The following CCSER1 variants were observed in gnomAD, a reference collection of about 807,000 sequenced individuals.
The protein encoded by CCSER1 is serine-rich coiled-coil domain-containing protein 1.
A neutral mutation model predicts 82.0 loss-of-function variants in CCSER1; 41 were observed. The observed-to-expected ratio is 0.50, with a 90% CI of 0.39 to 0.65. CCSER1 has a LOEUF of 0.65. Among genes scored for constraint, CCSER1 ranks in the 30% least tolerant of loss-of-function variants. The pLI, the probability that CCSER1 is intolerant of heterozygous loss-of-function variation, is 0.00. For missense variants in CCSER1, 1,119 were observed against 1,064.2 expected, an observed-to-expected ratio of 1.05 and a Z score of -0.72; for synonymous variants, 414 against 383.9, an observed-to-expected ratio of 1.08 and a Z score of -0.92.
At chr4:90,270,577 T>A (rs1180701030) in intron 1 of CCSER1, among the ~76,000 whole-genome samples, 1 of 152,100 alleles carries the variant, frequency 6.6e-6, no homozygotes, top group East Asian at 1.9e-4. Flanking sequence ...TCCTCTAAGA[T>A]CTGGAACATG....
chr4:90,945,498 T>C (rs1732129572), intron 9 of CCSER1, among the ~76,000 whole-genome samples: 1 of 152,192 alleles, frequency 6.6e-6, no homozygotes. Flanking sequence ...TGTTTTATAG[T>C]CCATTTTCTT....
intron 9 of CCSER1, among the ~76,000 whole-genome samples, chr4:91,047,883 A>AT (rs1385554510): frequency 9.2e-5 from 14 of 152,042 alleles, no homozygotes; most frequent in Admixed American, 8.5e-4. Flanking sequence ...GTAATGTATG[A>AT]TTTTTTCTTT....
At chr4:90,789,040 G>T (rs1383673427) in intron 7 of CCSER1, among the ~76,000 whole-genome samples, 2 of 151,630 alleles carry the variant, frequency 1.3e-5, no homozygotes, top group Non-Finnish European at 1.5e-5. Flanking sequence ...TCTCAATCTT[G>T]TTAACAACTA....
At chr4:90,499,472 G>A (rs953647160) in intron 5 of CCSER1, among the ~76,000 whole-genome samples, 2 of 152,088 alleles carry the variant, frequency 1.3e-5, no homozygotes, top group African/African-American at 2.4e-5. Context: ...CTAGTTAATG[G>A]TGCTTGAATT....
chr4:90,281,178 G>A (rs1484196833), intron 1 of CCSER1, among the ~76,000 whole-genome samples: 4 of 152,012 alleles, frequency 2.6e-5, no homozygotes, highest in African/African-American at 4.8e-5. Flanking sequence ...ATTATCCTAA[G>A]AGAACTAATG....
chr4:90,732,321 C>T (rs1744903318), intron 7 of CCSER1, among the ~76,000 whole-genome samples: 1 of 152,060 alleles, frequency 6.6e-6, no homozygotes, highest in Admixed American at 6.6e-5. Context: ...CCTAAGACTA[C>T]CCCTACATTC....
At chr4:91,385,068 A>T (rs1751195982) in intron 10 of CCSER1, among the ~76,000 whole-genome samples, 1 of 152,066 alleles carries the variant, frequency 6.6e-6, no homozygotes, top group South Asian at 2.1e-4. Context: ...TGACTCCAGG[A>T]ATTGCACTTT....
In CCSER1 at chr4:90,903,384, G is replaced by C. The variant is rs1422119170; in HGVS notation, c.2095-19986G>C. ...ATGTAAGGAGTGCCTTTCACCTCCT[G>C]CCATGATTCTGAGGCCTCCTCAGCC... On this transcript the variant is annotated intron_variant, in intron 8 of 10. Coordinates refer to ENST00000509176, the MANE Select transcript of CCSER1 (RefSeq NM_001145065.2). Among the ~76,000 whole-genome samples the C allele has an allele frequency of 2.0e-5, 3 of 151,998 alleles. No homozygotes were observed. The East Asian group carries it at 5.8e-4, about 29-fold the overall frequency.
At position 91,602,408 on chromosome 4, in the gene CCSER1, A is replaced by T. The variant is rs2110368586; in HGVS notation, c.*3351A>T. ...AATTATTATGATATATTTAAGATTC[A>T]CATGCCCAGGATAAATGATTACATT... On this transcript the variant is annotated 3_prime_UTR_variant, in exon 11 of 11. Coordinates refer to ENST00000509176, the MANE Select transcript of CCSER1 (RefSeq NM_001145065.2). Among the ~76,000 whole-genome samples the T allele has an allele frequency of 6.6e-6, 1 of 152,164 alleles. No homozygotes were observed. Among genetic ancestry groups the T allele is most frequent in the South Asian group, 2.1e-4 (1 of 4,830 alleles).
intron 10 of CCSER1, among the ~76,000 whole-genome samples, chr4:91,176,311 T>C (rs116732227): frequency 0.013 from 2,045 of 152,340 alleles, 31 homozygotes; most frequent in African/African-American, 0.037. Context: ...ATGTGGTCTC[T>C]TTTTTGGTTC....
intron 10 of CCSER1, among the ~76,000 whole-genome samples, chr4:91,585,642 G>A (rs1457131348): frequency 1.3e-5 from 2 of 151,402 alleles, no homozygotes; most frequent in Non-Finnish European, 3.0e-5. Context: ...ATTTTCTAGG[G>A]ACTGAGTTAC....
chr4:90,426,908 A>G (rs1181769640), intron 4 of CCSER1, among the ~76,000 whole-genome samples: 1 of 152,094 alleles, frequency 6.6e-6, no homozygotes, highest in African/African-American at 2.4e-5. Flanking sequence ...CCATTTTCTC[A>G]ATGAAAATAC....
intron 6 of CCSER1, among the ~76,000 whole-genome samples, chr4:90,718,584 AG>A (rs1742104453): frequency 6.6e-6 from 1 of 152,142 alleles, no homozygotes; most frequent in Admixed American, 6.6e-5. Flanking sequence ...ATTTAACATC[AG>A]CTTTTCTGGG....
At chr4:91,237,635 C>CT (rs1739117779) in intron 10 of CCSER1, among the ~76,000 whole-genome samples, 1 of 151,844 alleles carries the variant, frequency 6.6e-6, no homozygotes, top group South Asian at 2.1e-4. Context: ...AAGGTAGAGA[C>CT]TAAGATAGAA....
At chr4:91,154,221 T>TC (rs1240072229) in intron 10 of CCSER1, among the ~76,000 whole-genome samples, 1 of 151,890 alleles carries the variant, frequency 6.6e-6, no homozygotes, top group Non-Finnish European at 1.5e-5. Flanking sequence ...CAAACGCCCC[T>TC]CCCCCAGCCT....
chr4:90,472,919 G>T (rs1764587281), intron 5 of CCSER1, among the ~76,000 whole-genome samples: 1 of 152,032 alleles, frequency 6.6e-6, no homozygotes. Flanking sequence ...GGAGCTGGAG[G>T]TCATTATCCT....
At chr4:90,916,197 G>A (rs376803446) in intron 8 of CCSER1, among the ~76,000 whole-genome samples, 20 of 151,638 alleles carry the variant, frequency 1.3e-4, no homozygotes, top group African/African-American at 3.4e-4. Context: ...AAAAGAGCCC[G>A]CATTGCCAAG....
chr4:91,296,483 A>ATATATTTATT lies in CCSER1; in HGVS notation c.2217+210492_2217+210493insATTTATTTAT, dbSNP rs1175690764. Among the ~76,000 whole-genome samples, 213 of 124,024 alleles carry ATATATTTATT rather than the reference A, an allele frequency of 1.7e-3. 14 individuals carry two copies. Among genetic ancestry groups the ATATATTTATT allele is most frequent in the African/African-American group, 5.5e-3 (162 of 29,194 alleles). 81.4% of individuals were successfully genotyped at this position (124,024 alleles called of 152,430 possible). ...TATATATATGTATATATATATATAT[A>ATATATTTATT]TATTTTAATTAAATATACAGTTATC... On this transcript the variant is annotated intron_variant, in intron 10 of 10. Transcript: ENST00000509176.
intron 10 of CCSER1, among the ~76,000 whole-genome samples, chr4:91,503,436 T>G (rs1053464472): frequency 3.9e-5 from 6 of 152,042 alleles, no homozygotes; most frequent in Non-Finnish European, 8.8e-5. Context: ...AGAAATAAAG[T>G]AAATTATTGA....
Sources: gnomAD v4.1 joint callset for allele counts (sites outside exome capture counted in the v4.1 genomes callset) on GRCh38, gnomAD v4.1.1 for gene constraint, MANE v1.5 for transcripts, NCBI Gene and HGNC (gene_info 2026-07-23, HGNC 2026-07-21) for gene names.